Variants in SULT4A1 observed in about 807,000 individuals in gnomAD.
The protein encoded by SULT4A1 is sulfotransferase 4A1.
SULT4A1 carries 11 observed loss-of-function variants against 35.2 expected under a neutral mutation model. That is an observed-to-expected ratio of 0.31 (90% CI 0.20 to 0.52). The LOEUF is 0.52. Ranked by LOEUF, SULT4A1 falls within the 20% of genes least tolerant of loss-of-function variation. The probability of loss-of-function intolerance (pLI) is 0.97; values close to 1 mark genes in which losing one functional copy is unlikely to be tolerated. For synonymous variants in SULT4A1, 152 were observed against 151.8 expected (o/e 1.00, Z -0.01); for missense variants, 271 against 383.7 (o/e 0.71, Z 2.45).
chr22:43,829,994 A>T (rs2063314363), intron 5 of SULT4A1, among the ~76,000 whole-genome samples: 1 of 152,214 alleles, frequency 6.6e-6, no homozygotes. Flanking sequence ...CTTAAAAGAC[A>T]ATGTTCTCTG....
At chr22:43,826,481 T>C (rs969661295) in intron 6 of SULT4A1, 4 of 985,252 alleles carry the variant, frequency 4.1e-6, no homozygotes, top group Non-Finnish European at 4.8e-6. Context: ...AGGTGTTTAA[T>C]AAACATCCCA....
At chr22:43,835,775 G>A (rs181169561) in intron 4 of SULT4A1, among the ~76,000 whole-genome samples, 2 of 152,326 alleles carry the variant, frequency 1.3e-5, no homozygotes, top group East Asian at 3.9e-4. Flanking sequence ...CAGACATCCC[G>A]GTGACATGGA....
intron 1 of SULT4A1, among the ~76,000 whole-genome samples, chr22:43,861,184 C>A: frequency 6.6e-6 from 1 of 152,190 alleles, no homozygotes; most frequent in East Asian, 1.9e-4. Flanking sequence ...CAATCTTCCT[C>A]AGAAGAATGT....
At chr22:43,846,903 T>C (rs2063480331) in intron 1 of SULT4A1, among the ~76,000 whole-genome samples, 1 of 152,192 alleles carries the variant, frequency 6.6e-6, no homozygotes, top group Admixed American at 6.5e-5. Context: ...TCCCCACCCG[T>C]GCAGCCCCGC....
intron 1 of SULT4A1, among the ~76,000 whole-genome samples, chr22:43,842,239 C>T (rs1041455371): frequency 1.3e-5 from 2 of 152,190 alleles, no homozygotes; most frequent in African/African-American, 4.8e-5. Context: ...AGGTGGGTGA[C>T]TCGGCCCAAC....
At chr22:43,841,419 C>G (rs759626555) in intron 2 of SULT4A1, among the ~76,000 whole-genome samples, 1 of 152,150 alleles carries the variant, frequency 6.6e-6, no homozygotes, top group Non-Finnish European at 1.5e-5. Context: ...GGGAGCAGGG[C>G]TCTGGGGTAA....
At chr22:43,861,053 G>A (rs1406238422) in intron 1 of SULT4A1, among the ~76,000 whole-genome samples, 3 of 152,140 alleles carry the variant, frequency 2.0e-5, no homozygotes, top group Non-Finnish European at 2.9e-5. Flanking sequence ...CCAACGACAC[G>A]CTTAGCCATT....
rs1415985193 is a variant in SULT4A1, at chr22:43,825,038, A to G, written c.*963T>C. 6.6e-6 allele frequency: 1 copy of G among 152,224 alleles called. No individual in the cohort carries two copies. The highest frequency in any genetic ancestry group is 1.5e-5 in the Non-Finnish European group (1 of 68,044). 9.4% of individuals were successfully genotyped at this position (152,224 alleles called of 1,614,324 possible). On this transcript the variant is annotated 3_prime_UTR_variant, in exon 7 of 7. Transcript: ENST00000330884. Reference sequence around the variant, plus strand: ...AGTGAAACAGGGCTACACTCGCAAAATGGTCCTCCCACGGCTGAGCGCCTC... The same window carrying G: ...AGTGAAACAGGGCTACACTCGCAAAGTGGTCCTCCCACGGCTGAGCGCCTC...
At chr22:43,830,040 G>A (rs932035802) in intron 5 of SULT4A1, among the ~76,000 whole-genome samples, 9 of 152,252 alleles carry the variant, frequency 5.9e-5, no homozygotes, top group Non-Finnish European at 1.2e-4. Flanking sequence ...GTGGGCGCCA[G>A]CTCCTCCCTG....
At chr22:43,833,888 G>A (rs2063343710) in intron 4 of SULT4A1, among the ~76,000 whole-genome samples, 154 bp from the exon 5 acceptor site, 1 of 152,200 alleles carries the variant, frequency 6.6e-6, no homozygotes, top group South Asian at 2.1e-4. Flanking sequence ...AGGCCCCCGA[G>A]GCACTCACGT....
intron 6 of SULT4A1, chr22:43,826,920 C>A (rs1319421618): frequency 1.0e-6 from 1 of 985,328 alleles, no homozygotes; most frequent in Admixed American, 6.2e-5. Context: ...GAGGGCTGAG[C>A]TGTGGGATAA....
intron 5 of SULT4A1, among the ~76,000 whole-genome samples, chr22:43,831,169 G>A (rs1219387149): frequency 7.0e-6 from 1 of 143,752 alleles, no homozygotes; most frequent in Non-Finnish European, 1.6e-5. Context: ...TGGGGAGCCT[G>A]GAAGGCAGAG....
intron 1 of SULT4A1, among the ~76,000 whole-genome samples, chr22:43,842,291 G>A (rs1439002027): frequency 6.6e-6 from 1 of 152,144 alleles, no homozygotes; most frequent in Non-Finnish European, 1.5e-5. Flanking sequence ...TGATGGGTCG[G>A]GGGAATGACC....
chr22:43,842,952 A>C (rs992686622), intron 1 of SULT4A1, among the ~76,000 whole-genome samples: 9 of 148,286 alleles, frequency 6.1e-5, no homozygotes, highest in African/African-American at 2.3e-4. Context: ...TCCAGGCCTT[A>C]GAAGCAGGTC....
chr22:43,850,548 G>A (rs545168439), intron 1 of SULT4A1, among the ~76,000 whole-genome samples: 1 of 152,296 alleles, frequency 6.6e-6, no homozygotes, highest in South Asian at 2.1e-4. Flanking sequence ...CAGAGACATG[G>A]GTGGGTGTTC....
chr22:43,847,164 A>G lies in SULT4A1; in HGVS notation c.170-5232T>C, dbSNP rs1050413689. On this transcript the variant is annotated intron_variant, in intron 1 of 6. Transcript: ENST00000330884. ...TTTCCAGCTTCCAGGAGAATTCAAC[A>G]GCAGGTCAACGTGGGCATCAGGGAG... 6.6e-5 allele frequency among the ~76,000 whole-genome samples: 10 copies of G among 152,262 alleles called. No individual in the cohort carries two copies. The East Asian group carries it at 1.9e-3, about 29-fold the overall frequency.
rs879604632 is a variant in SULT4A1, at chr22:43,845,437, G to C, written c.170-3505C>G. On this transcript the variant is annotated intron_variant, in intron 1 of 6. Coordinates refer to ENST00000330884, the MANE Select transcript of SULT4A1 (RefSeq NM_014351.4). ...GCAAGCAGCCCCTCCAGCTGACAGA[G>C]GCTCAGGCCGGATGGTGGCCTCACT... Among the ~76,000 whole-genome samples, 6 of 152,354 alleles carry C rather than the reference G, an allele frequency of 3.9e-5. No individual in the cohort carries two copies. In the South Asian group the frequency reaches 1.0e-3, roughly 26 times the overall value.
At chr22:43,861,527 A>C (rs2049468063) in intron 1 of SULT4A1, among the ~76,000 whole-genome samples, 1 of 152,136 alleles carries the variant, frequency 6.6e-6, no homozygotes, top group Non-Finnish European at 1.5e-5. Flanking sequence ...CCCCTCTCTG[A>C]GCCTCTGTGC....
Position 43,829,128 on chromosome 22 carries a change from G to A in SULT4A1, c.674C>T (p.Ala225Val). ...CAGCTGGTGGCAGTGCTCCGTCAGG[G>A]CTTCCAGCTGGGCCTTGTCACAGGA... ...GVSCDKAQLE[A>V]LTEHCHQLVD... Residue 225 changes from alanine (A) to valine (V), a missense_variant, in exon 6 of 7, where the codon GCC becomes GTC. Ala to Val is a moderately conservative substitution (Grantham distance 64). Transcript: ENST00000330884. The A allele has an allele frequency of 6.4e-7, 1 of 1,559,210 alleles. No homozygotes were observed.
Sources: gnomAD v4.1 joint callset for allele counts (sites outside exome capture counted in the v4.1 genomes callset) on GRCh38, gnomAD v4.1.1 for gene constraint, MANE v1.5 for transcripts, NCBI Gene and HGNC (gene_info 2026-07-23, HGNC 2026-07-21) for gene names.